RHBDD1: variants seen among roughly 807,000 people sequenced by gnomAD.
RHBDD1 encodes rhomboid domain containing 1.
A neutral mutation model predicts 36.3 loss-of-function variants in RHBDD1; 38 were observed. The observed-to-expected ratio is 1.05, with a 90% confidence interval of 0.81 to 1.37. The LOEUF is 1.37. RHBDD1 is among the 40% of genes most tolerant of loss of function. The probability of loss-of-function intolerance (pLI) is 0.00; values close to 1 mark genes in which losing one functional copy is unlikely to be tolerated. For synonymous variants in RHBDD1, 151 were observed against 136.5 expected (o/e 1.11, Z -0.74); for missense variants, 393 against 377.6 (o/e 1.04, Z -0.34).
intron 3 of RHBDD1, among the ~76,000 whole-genome samples, chr2:226,860,152 T>G (rs56118430): frequency 0.19 from 28,315 of 152,020 alleles, 4,307 homozygotes; most frequent in African/African-American, 0.42. Flanking sequence ...AAATCCCATG[T>G]CTTGAGGTGG....
chr2:226,910,825 A>G (rs1948466843), intron 7 of RHBDD1, among the ~76,000 whole-genome samples: 1 of 152,156 alleles, frequency 6.6e-6, no homozygotes, highest in Non-Finnish European at 1.5e-5. Flanking sequence ...TTTTGGTCCT[A>G]CGGGAGGAGA....
chr2:226,805,760 G>T, the RHBDD1 span, among the ~76,000 whole-genome samples: 54 of 152,324 alleles, frequency 3.5e-4, no homozygotes, highest in Non-Finnish European at 6.2e-4. Context: ...GTGAATTTCA[G>T]TAATGATGAA....
chr2:226,904,895 T>C (rs1015345955), intron 5 of RHBDD1, among the ~76,000 whole-genome samples: 1 of 152,178 alleles, frequency 6.6e-6, no homozygotes, highest in Non-Finnish European at 1.5e-5. Context: ...GCAAGCACCC[T>C]GAGCTGAACA....
At chr2:226,899,157 C>T (rs1212454418) in intron 5 of RHBDD1, among the ~76,000 whole-genome samples, 1 of 152,228 alleles carries the variant, frequency 6.6e-6, no homozygotes, top group Non-Finnish European at 1.5e-5. Flanking sequence ...TGCATAACCA[C>T]TTAACTCAGC....
At chr2:226,862,432 A>G (rs1252632060) in intron 3 of RHBDD1, among the ~76,000 whole-genome samples, 1 of 150,402 alleles carries the variant, frequency 6.6e-6, no homozygotes, top group African/African-American at 2.5e-5. Flanking sequence ...AGGGTATTAG[A>G]GTGAGTTACC....
chr2:226,955,385 C>T (rs1951722086), intron 8 of RHBDD1, among the ~76,000 whole-genome samples: 1 of 152,234 alleles, frequency 6.6e-6, no homozygotes, highest in Admixed American at 6.5e-5. Context: ...GCACTCTCAC[C>T]TTGCCCCAGG....
At chr2:226,975,349 T>C (rs184611114) in intron 8 of RHBDD1, among the ~76,000 whole-genome samples, 7 of 152,290 alleles carry the variant, frequency 4.6e-5, no homozygotes, top group Non-Finnish European at 7.4e-5. Flanking sequence ...CTTAAACTTA[T>C]ACAATTTTAT....
chr2:226,827,853 G>C, the RHBDD1 span, among the ~76,000 whole-genome samples: 1 of 152,214 alleles, frequency 6.6e-6, no homozygotes, highest in Admixed American at 6.5e-5. Context: ...ATAGCATGTG[G>C]ATGGGTAGGG....
At chr2:226,937,279 A>C (rs1364842563) in intron 8 of RHBDD1, among the ~76,000 whole-genome samples, 2 of 152,124 alleles carry the variant, frequency 1.3e-5, no homozygotes, top group African/African-American at 4.8e-5. Flanking sequence ...GGTGTGAACA[A>C]GTTTTTATAC....
intron 1 of RHBDD1, among the ~76,000 whole-genome samples, chr2:226,837,261 A>G (rs1574715050): frequency 6.6e-6 from 1 of 152,240 alleles, no homozygotes; most frequent in East Asian, 1.9e-4. Flanking sequence ...GTTATTAAGT[A>G]ACTTATTAGA....
At chr2:226,991,405 C>G (rs1399303746) in intron 8 of RHBDD1, among the ~76,000 whole-genome samples, 1 of 152,206 alleles carries the variant, frequency 6.6e-6, no homozygotes, top group Non-Finnish European at 1.5e-5. Flanking sequence ...TGGTCTCAAT[C>G]TCCTGACCTC....
At chr2:226,975,345 C>T (rs1455983665) in intron 8 of RHBDD1, among the ~76,000 whole-genome samples, 2 of 152,104 alleles carry the variant, frequency 1.3e-5, no homozygotes, top group African/African-American at 2.4e-5. Flanking sequence ...ACACCTTAAA[C>T]TTATACAATT....
At chr2:226,844,366 A>G (rs968996551) in intron 3 of RHBDD1, among the ~76,000 whole-genome samples, 7 of 151,152 alleles carry the variant, frequency 4.6e-5, no homozygotes, top group African/African-American at 1.7e-4. Flanking sequence ...TATTGATGCT[A>G]TGCAGGCAAA....
chr2:226,837,452 A>C (rs1941100001), intron 1 of RHBDD1: 1 of 152,236 alleles, frequency 6.6e-6, no homozygotes, highest in Non-Finnish European at 1.5e-5. Flanking sequence ...AAAGCAGTGC[A>C]TACTAATGCT....
chr2:226,950,440 T>C (rs1338897411), intron 8 of RHBDD1, among the ~76,000 whole-genome samples: 1 of 152,218 alleles, frequency 6.6e-6, no homozygotes, highest in Non-Finnish European at 1.5e-5. Flanking sequence ...TATTTATTCA[T>C]TCACCTGTTG....
the RHBDD1 span, among the ~76,000 whole-genome samples, chr2:226,824,758 C>G: frequency 6.6e-6 from 1 of 152,202 alleles, no homozygotes; most frequent in African/African-American, 2.4e-5. Flanking sequence ...CAGGGCTGAA[C>G]AGATTGACCT....
chr2:226,977,337 T>G (rs766161218), intron 8 of RHBDD1, among the ~76,000 whole-genome samples: 35 of 152,206 alleles, frequency 2.3e-4, no homozygotes, highest in Non-Finnish European at 4.0e-4. Context: ...TTGCTTTGCT[T>G]TTCAGCCTTG....
At chr2:226,812,516 C>G in the RHBDD1 span, among the ~76,000 whole-genome samples, 1 of 152,166 alleles carries the variant, frequency 6.6e-6, no homozygotes, top group African/African-American at 2.4e-5. Flanking sequence ...TTTATACTAC[C>G]TTTACATATT....
rs750408908 is a variant in RHBDD1, at chr2:226,965,607, G to T, written c.857-29824G>T. Reference sequence around the variant, plus strand: ...ACAGAATGCCTGCAATTGTGAGAGAGAGAAGTGAAGAATGACTAAGGTTTT... The same window carrying T: ...ACAGAATGCCTGCAATTGTGAGAGATAGAAGTGAAGAATGACTAAGGTTTT... On this transcript the variant is annotated intron_variant, in intron 8 of 8. Transcript: ENST00000392062. Among the ~76,000 whole-genome samples the T allele has an allele frequency of 1.4e-4, 22 of 152,302 alleles. No individual in the cohort carries two copies. The South Asian group carries it at 1.7e-3, about 11-fold the overall frequency.
Sources: allele counts gnomAD v4.1 joint callset (sites outside exome capture counted in the v4.1 genomes callset), GRCh38; gene constraint gnomAD v4.1.1; transcripts MANE v1.5; gene names NCBI Gene and HGNC (gene_info 2026-07-23, HGNC 2026-07-21).